Variants in ZNF362 observed in about 807,000 individuals in gnomAD.
ZNF362 encodes the protein zinc finger protein 362.
ZNF362 carries 11 observed loss-of-function variants against 42.9 expected under a neutral mutation model. The ratio of observed to expected loss-of-function variants is 0.26; its 90% CI spans 0.16 to 0.42. ZNF362 has a LOEUF of 0.42. Ranked by LOEUF, ZNF362 falls within the 20% of genes least tolerant of loss-of-function variation. ZNF362 has a pLI of 1.00. For missense variants in ZNF362, 362 were observed against 576.2 expected (o/e 0.63, Z 3.81); for synonymous variants, 255 against 257.3 (o/e 0.99, Z 0.09).
chr1:33,254,970 C>G (rs1027896499), upstream of ZNF362, among the ~76,000 whole-genome samples: 1 of 152,200 alleles, frequency 6.6e-6, no homozygotes, highest in Non-Finnish European at 1.5e-5. Flanking sequence ...TCTTCCCCAC[C>G]TCGCTCACCC....
chr1:33,266,901 A>C lies in ZNF362; in HGVS notation c.-88-3586A>C, dbSNP rs1267033374. 6.6e-6 allele frequency among the ~76,000 whole-genome samples: 1 copy of C among 152,150 alleles called. No individual in the cohort carries two copies. The highest frequency in any genetic ancestry group is 1.5e-5 in the Non-Finnish European group (1 of 68,018). Reference sequence around the variant, plus strand: ...CGAAAACCCGAGCATCAGACTGTGGAGTTTGAACTATACCCCAAAAGTGAT... The same window carrying C: ...CGAAAACCCGAGCATCAGACTGTGGCGTTTGAACTATACCCCAAAAGTGAT... On this transcript the variant is annotated intron_variant, in intron 1 of 8. Coordinates refer to ENST00000539719, the MANE Select transcript of ZNF362 (RefSeq NM_152493.3). The surrounding 1 kb of genome is among the most constrained non-coding windows in gnomAD (Gnocchi z 4.3).
the ZNF362 span, among the ~76,000 whole-genome samples, chr1:33,170,029 A>G: frequency 1.3e-5 from 2 of 152,058 alleles, no homozygotes; most frequent in African/African-American, 4.8e-5. Context: ...TTACCTGTCA[A>G]TCTCCCCTAC....
intron 6 of ZNF362, chr1:33,282,076 C>A: frequency 2.0e-6 from 1 of 512,072 alleles, no homozygotes; most frequent in East Asian, 3.4e-5. Flanking sequence ...CTGGCCATCC[C>A]CTTGTCCTCT....
At chr1:33,265,352 G>A (rs1445797667) in intron 1 of ZNF362, among the ~76,000 whole-genome samples, 1 of 151,802 alleles carries the variant, frequency 6.6e-6, no homozygotes, top group African/African-American at 2.4e-5. Context: ...GAGGGGAAGG[G>A]GCAGGCTCCC....
chr1:33,193,705 G>A, the ZNF362 span, among the ~76,000 whole-genome samples: 1 of 152,180 alleles, frequency 6.6e-6, no homozygotes, highest in Non-Finnish European at 1.5e-5. Flanking sequence ...CTAACACAAA[G>A]GGGGATTATA....
chr1:33,213,909 A>G, the ZNF362 span, among the ~76,000 whole-genome samples: 3 of 152,126 alleles, frequency 2.0e-5, no homozygotes, highest in Non-Finnish European at 4.4e-5. Context: ...ACAACAAAAA[A>G]CAAGATTGAA....
chr1:33,170,669 C>T, the ZNF362 span, among the ~76,000 whole-genome samples: 4 of 152,088 alleles, frequency 2.6e-5, no homozygotes, highest in African/African-American at 7.2e-5. Context: ...AAAACCAAAC[C>T]CTAGAGTCCA....
rs780598515 is a variant in ZNF362 at position 33,276,129 on chromosome 1, A to C, written c.68A>C (p.Tyr23Ser). Residue 23 changes from tyrosine to serine, a missense_variant, in exon 3 of 9, where the codon TAC becomes TCC. Physicochemically the swap from Tyr to Ser is moderately radical, Grantham distance 144. Coordinates refer to ENST00000539719, the MANE Select transcript of ZNF362 (RefSeq NM_152493.3). ...GCCGAGCCTCGATTTAACAACCCCT[A>C]CTTCTGGCCCCCTCCTCCCACCATG... ...RMAEPRFNNP[Y>S]FWPPPPTMPS... 3.1e-6 allele frequency: 5 copies of C among 1,613,832 alleles called. No individual in the cohort carries two copies. The highest frequency in any genetic ancestry group is 4.2e-6 in the Non-Finnish European group (5 of 1,179,952).
the ZNF362 span, among the ~76,000 whole-genome samples, chr1:33,159,517 C>A: frequency 6.6e-6 from 1 of 152,188 alleles, no homozygotes; most frequent in African/African-American, 2.4e-5. This position sits in a 1 kb window ranked among gnomAD's most constrained non-coding sequence, Gnocchi z 4.2. Context: ...TCACTGGCTT[C>A]ATACTCAAGG....
At chr1:33,243,988 G>C in the ZNF362 span, among the ~76,000 whole-genome samples, 1 of 152,094 alleles carries the variant, frequency 6.6e-6, no homozygotes, top group Non-Finnish European at 1.5e-5. Context: ...ACAGAAAAAA[G>C]GAAAAGTGTC....
At chr1:33,128,203 C>CG in the ZNF362 span, among the ~76,000 whole-genome samples, 1 of 83,690 alleles carries the variant, frequency 1.2e-5, no homozygotes, top group South Asian at 4.3e-4. Flanking sequence ...CCCACCTCTC[C>CG]AAAAAAAAAA....
chr1:33,132,004 G>A, the ZNF362 span, among the ~76,000 whole-genome samples: 1 of 152,172 alleles, frequency 6.6e-6, no homozygotes, highest in Non-Finnish European at 1.5e-5. Context: ...CAAGGAGCAG[G>A]CTCGAGGGGC....
At chr1:33,223,893 C>CAAAAAAA in the ZNF362 span, among the ~76,000 whole-genome samples, 2 of 85,436 alleles carry the variant, frequency 2.3e-5, no homozygotes, top group Non-Finnish European at 4.6e-5. Flanking sequence ...AACTCCATCT[C>CAAAAAAA]AAAAAAAAAA....
the ZNF362 span, among the ~76,000 whole-genome samples, chr1:33,188,856 G>A: frequency 1.3e-5 from 2 of 152,156 alleles, no homozygotes; most frequent in Non-Finnish European, 2.9e-5. Flanking sequence ...CCTTCTCTGC[G>A]ATGGACACCC....
chr1:33,287,619 AG>A (rs1178182873), intron 6 of ZNF362, among the ~76,000 whole-genome samples: 2 of 152,194 alleles, frequency 1.3e-5, no homozygotes, highest in Non-Finnish European at 2.9e-5. Context: ...CAGGGTGCAA[AG>A]GGGTTTTGTT....
chr1:33,299,352 T>TCG lies in ZNF362; in HGVS notation c.*306_*307insCG. 3.7e-6 allele frequency: 1 copy of TCG among 270,756 alleles called. No individual in the cohort carries two copies. The highest frequency in any genetic ancestry group is 7.0e-6 in the Non-Finnish European group (1 of 143,244). The allele number at this position is 270,756 out of a possible 1,614,324, so 16.8% of individuals were successfully genotyped here. A position where few individuals can be genotyped will look rare whatever the true frequency, so the allele number is the denominator to read the frequency against. ...CTTCACTGTTTTTTTTTTTTTCGTT[T>TCG]TTTTTTTTTAAGTTTGTTTTGGAAA... On this transcript the variant is annotated 3_prime_UTR_variant, in exon 9 of 9. Coordinates refer to ENST00000539719, the MANE Select transcript of ZNF362 (RefSeq NM_152493.3).
chr1:33,223,223 C>G, the ZNF362 span, among the ~76,000 whole-genome samples: 38 of 152,204 alleles, frequency 2.5e-4, no homozygotes, highest in Non-Finnish European at 4.4e-4. Flanking sequence ...TGCACTCCAG[C>G]CTGGTGATAG....
the ZNF362 span, among the ~76,000 whole-genome samples, chr1:33,214,070 A>G: frequency 6.6e-6 from 1 of 152,162 alleles, no homozygotes; most frequent in Non-Finnish European, 1.5e-5. Flanking sequence ...TAAAAATGTG[A>G]AATAAGAAAA....
chr1:33,242,970 G>A, the ZNF362 span, among the ~76,000 whole-genome samples: 1 of 152,064 alleles, frequency 6.6e-6, no homozygotes. Flanking sequence ...GTCTGAGATT[G>A]GGGGATTCTG....
Sources: gnomAD v4.1 joint callset for allele counts (sites outside exome capture counted in the v4.1 genomes callset) on GRCh38, gnomAD v4.1.1 for gene constraint, Gnocchi (gnomAD v3.1) non-coding constraint, MANE v1.5 for transcripts, NCBI Gene and HGNC (gene_info 2026-07-23, HGNC 2026-07-21) for gene names.